NXPH1: variants seen among roughly 807,000 people sequenced by gnomAD.
NXPH1 encodes neurexophilin 1, also known as neurexophilin-1.
NXPH1 carries 5 observed loss-of-function variants against 23.7 expected under a neutral mutation model. The observed-to-expected ratio is 0.21, with a 90% confidence interval of 0.11 to 0.44. The LOEUF (loss-of-function observed/expected upper bound fraction) is 0.44, where lower values mean the gene tolerates loss of function less well. Ranked by LOEUF, NXPH1 falls within the 20% of genes least tolerant of loss-of-function variation. The probability of loss-of-function intolerance (pLI) is 0.99; values close to 1 mark genes in which losing one functional copy is unlikely to be tolerated. For synonymous variants in NXPH1, 144 were observed against 122.2 expected (o/e 1.18, Z -1.18); for missense variants, 324 against 321.6 (o/e 1.01, Z -0.06).
chr7:8,516,802 G>A (rs1817694257), intron 2 of NXPH1, among the ~76,000 whole-genome samples: 1 of 152,136 alleles, frequency 6.6e-6, no homozygotes, highest in African/African-American at 2.4e-5. Flanking sequence ...GGTTTGCAAA[G>A]CTGTTTATTA....
intron 2 of NXPH1, among the ~76,000 whole-genome samples, chr7:8,462,547 C>G (rs890059898): frequency 6.6e-6 from 1 of 152,174 alleles, no homozygotes; most frequent in African/African-American, 2.4e-5. Flanking sequence ...GATGACAGAA[C>G]TGAGATTCAA....
intron 2 of NXPH1, among the ~76,000 whole-genome samples, chr7:8,478,353 C>G (rs1327205589): frequency 6.6e-6 from 1 of 151,848 alleles, no homozygotes; most frequent in Non-Finnish European, 1.5e-5. Context: ...AAATACCCAG[C>G]AATGAGGGGG....
intron 2 of NXPH1, among the ~76,000 whole-genome samples, chr7:8,573,443 T>C (rs1214905553): frequency 6.6e-6 from 1 of 152,130 alleles, no homozygotes; most frequent in African/African-American, 2.4e-5. Context: ...CAATTTAGAC[T>C]TGAAGAGTCA....
At chr7:8,438,509 G>C (rs1321745730) in intron 2 of NXPH1, among the ~76,000 whole-genome samples, 1 of 152,224 alleles carries the variant, frequency 6.6e-6, no homozygotes, top group Non-Finnish European at 1.5e-5. Context: ...GCATCACTCT[G>C]TTTATGCCTT....
chr7:8,729,760 G>C (rs1486268108), intron 2 of NXPH1, among the ~76,000 whole-genome samples: 2 of 151,872 alleles, frequency 1.3e-5, no homozygotes, highest in South Asian at 2.1e-4. Flanking sequence ...TTACTTCCAA[G>C]TATGTGGTCA....
chr7:8,519,630 C>T (rs183082532), intron 2 of NXPH1, among the ~76,000 whole-genome samples: 47 of 152,252 alleles, frequency 3.1e-4, no homozygotes, highest in Middle Eastern at 3.4e-3. Flanking sequence ...AATTGCAAAA[C>T]AGCATTCATT....
chr7:8,656,871 A>G (rs972224269), intron 2 of NXPH1, among the ~76,000 whole-genome samples: 5 of 152,168 alleles, frequency 3.3e-5, no homozygotes, highest in Admixed American at 6.5e-5. Context: ...GTTAATGTTT[A>G]AACTGAGGAT....
chr7:8,504,714 G>T (rs189607809), intron 2 of NXPH1, among the ~76,000 whole-genome samples: 75 of 152,116 alleles, frequency 4.9e-4, no homozygotes, highest in African/African-American at 1.8e-3. Flanking sequence ...GGTATTTGGG[G>T]TAATTGATTC....
chr7:8,748,057 G>A lies in NXPH1; in HGVS notation c.55-2951G>A, dbSNP rs570147041. ...TGTCAGGATAGATTGGAAATGTATT[G>A]CTTTTTTCTTAAGAAAAGTTATATA... On this transcript the variant is annotated intron_variant, in intron 2 of 2. Coordinates refer to ENST00000405863, the MANE Select transcript of NXPH1 (RefSeq NM_152745.3). Among the ~76,000 whole-genome samples the A allele has an allele frequency of 1.8e-3, 273 of 152,194 alleles. 1 individual carries two copies. Among genetic ancestry groups the A allele is most frequent in the African/African-American group, 6.3e-3 (262 of 41,538 alleles).
At chr7:8,513,758 C>T (rs890646420) in intron 2 of NXPH1, among the ~76,000 whole-genome samples, 1 of 152,084 alleles carries the variant, frequency 6.6e-6, no homozygotes, top group Non-Finnish European at 1.5e-5. Context: ...AGAGAACCAC[C>T]TATGTCCTAT....
intron 2 of NXPH1, among the ~76,000 whole-genome samples, chr7:8,471,794 T>C (rs1039421664): frequency 6.6e-6 from 1 of 152,178 alleles, no homozygotes; most frequent in African/African-American, 2.4e-5. Flanking sequence ...GTTTCACTGA[T>C]GTTCCTTTGT....
At chr7:8,476,964 A>G (rs930233188) in intron 2 of NXPH1, among the ~76,000 whole-genome samples, 3 of 152,162 alleles carry the variant, frequency 2.0e-5, no homozygotes, top group African/African-American at 7.2e-5. Flanking sequence ...TTTATTTTAA[A>G]TTGAAGACTA....
At chr7:8,504,050 G>T (rs975834451) in intron 2 of NXPH1, among the ~76,000 whole-genome samples, 5 of 151,892 alleles carry the variant, frequency 3.3e-5, no homozygotes, top group Admixed American at 1.3e-4. Flanking sequence ...CTTTGTTTCT[G>T]CCCTGCCCCT....
intron 2 of NXPH1, among the ~76,000 whole-genome samples, chr7:8,653,373 G>A (rs80072732): frequency 4.6e-5 from 7 of 152,094 alleles, no homozygotes; most frequent in Non-Finnish European, 8.8e-5. Context: ...GCGTTGTCCT[G>A]TGTGGCATTG....
intron 2 of NXPH1, among the ~76,000 whole-genome samples, chr7:8,725,809 T>G (rs1780042810): frequency 6.6e-6 from 1 of 152,060 alleles, no homozygotes; most frequent in Admixed American, 6.6e-5. Context: ...TACCTATTTT[T>G]TTTTATTTCT....
Position 8,500,021 on chromosome 7 carries a change from A to T in NXPH1, c.54+64254A>T, listed in dbSNP as rs148402208. The stretch of plus-strand genomic sequence containing the variant: ...GTACTATAAAGCGAATAACATTTTT[A>T]TAACAGAATGTGGATTGCAATATTT... On this transcript the variant is annotated intron_variant, in intron 2 of 2. Transcript: ENST00000405863. 3.6e-3 allele frequency among the ~76,000 whole-genome samples: 553 copies of T among 152,234 alleles called. 11 individuals carry two copies. The highest frequency in any genetic ancestry group is 0.033 in the Admixed American group (506 of 15,290).
intron 2 of NXPH1, among the ~76,000 whole-genome samples, chr7:8,471,308 C>T (rs984415659): frequency 4.6e-5 from 7 of 152,148 alleles, no homozygotes; most frequent in African/African-American, 7.2e-5. Context: ...GGAATGAACC[C>T]TCACTCTGAG....
intron 2 of NXPH1, among the ~76,000 whole-genome samples, chr7:8,703,500 A>C (rs1779658727): frequency 6.6e-6 from 1 of 152,038 alleles, no homozygotes; most frequent in Admixed American, 6.6e-5. Flanking sequence ...ATTAGGTGAT[A>C]TTCTGGGGTT....
intron 2 of NXPH1, among the ~76,000 whole-genome samples, chr7:8,662,170 TTATATA>T (rs57298280): frequency 1.7e-4 from 14 of 83,720 alleles, no homozygotes; most frequent in African/African-American, 5.2e-4. Context: ...GCATATGATT[TTATATA>T]TATATATATA....
Sources: gnomAD v4.1 joint callset for allele counts (sites outside exome capture counted in the v4.1 genomes callset) on GRCh38, gnomAD v4.1.1 for gene constraint, MANE v1.5 for transcripts, NCBI Gene and HGNC (gene_info 2026-07-23, HGNC 2026-07-21) for gene names.